Variants in CSGALNACT1 observed in about 807,000 individuals in gnomAD.
CSGALNACT1 encodes the protein chondroitin sulfate N-acetylgalactosaminyltransferase 1, also known as beta4GalNAcT-1.
Under a neutral mutation model 51.0 loss-of-function variants are expected in CSGALNACT1, and 52 were observed. The observed-to-expected ratio is 1.02, with a 90% confidence interval of 0.82 to 1.29. The LOEUF (loss-of-function observed/expected upper bound fraction) is 1.29. Ranked by LOEUF, CSGALNACT1 falls within the 50% of genes most tolerant of loss-of-function variation. The pLI is 0.00. For synonymous variants in CSGALNACT1, 341 were observed against 254.4 expected (o/e 1.34, Z -3.24); for missense variants, 935 against 679.2 (o/e 1.38, Z -4.19).
At chr8:19,502,168 A>G (rs2031602680) in intron 4 of CSGALNACT1, among the ~76,000 whole-genome samples, 1 of 152,218 alleles carries the variant, frequency 6.6e-6, no homozygotes, top group African/African-American at 2.4e-5. Context: ...AGGATCCCAA[A>G]GGGGAGGTGG....
At chr8:19,607,498 C>T (rs1043156025) in intron 1 of CSGALNACT1, among the ~76,000 whole-genome samples, 6 of 152,162 alleles carry the variant, frequency 3.9e-5, no homozygotes, top group African/African-American at 9.7e-5. Flanking sequence ...TTCCAGCAAA[C>T]GGTCTGCAGT....
intron 1 of CSGALNACT1, among the ~76,000 whole-genome samples, chr8:19,754,472 A>G (rs962034373): frequency 2.0e-5 from 3 of 152,220 alleles, no homozygotes; most frequent in African/African-American, 7.2e-5. Flanking sequence ...AAAGACATAC[A>G]AAGAAAACCA....
At chr8:19,682,427 CAGCAAATTTCACACCCAATAA>C (rs71751739) in intron 1 of CSGALNACT1, 19,729 of 335,790 alleles carry the variant, frequency 0.059, 791 homozygotes, top group African/African-American at 0.14. Context: ...CAGAAAGTTG[CAGCAAATTTCACACCCAATAA>C]AGGAAACTTC....
intron 1 of CSGALNACT1, among the ~76,000 whole-genome samples, chr8:19,746,152 C>A (rs935867641): frequency 6.6e-6 from 1 of 152,088 alleles, no homozygotes; most frequent in Non-Finnish European, 1.5e-5. Flanking sequence ...GAAAATTGGA[C>A]CAGTTTCAGA....
intron 1 of CSGALNACT1, among the ~76,000 whole-genome samples, chr8:19,649,193 A>G (rs1307232683): frequency 6.6e-6 from 1 of 152,230 alleles, no homozygotes; most frequent in African/African-American, 2.4e-5. Flanking sequence ...TGGAGGCACA[A>G]GGAGGTTTAG....
chr8:19,569,621 C>G (rs1041416060), intron 3 of CSGALNACT1, among the ~76,000 whole-genome samples: 4 of 152,074 alleles, frequency 2.6e-5, no homozygotes, highest in Non-Finnish European at 4.4e-5. Flanking sequence ...GCAACTGGAG[C>G]TCACATACAT....
chr8:19,554,206 C>T (rs10464993), intron 3 of CSGALNACT1, among the ~76,000 whole-genome samples: 19,107 of 152,180 alleles, frequency 0.13, 1,689 homozygotes, highest in East Asian at 0.36. Flanking sequence ...TACAAGTTAT[C>T]TGCAAGGGAA....
rs140603045 is a variant in CSGALNACT1, at chr8:19,579,008, A to C, written c.-297+12152T>G. Among the ~76,000 whole-genome samples the C allele has an allele frequency of 2.3e-3, 351 of 152,226 alleles. 3 individuals are homozygous for C. Among genetic ancestry groups the C allele is most frequent in the African/African-American group, 8.2e-3 (340 of 41,538 alleles). ...CATCCTTAAGTGCTAGGAATCCAGT[A>C]ATGAGTCACAGCACCCTGACTCATT... On this transcript the variant is annotated intron_variant, in intron 3 of 9. Transcript: ENST00000454498.
chr8:19,459,402 A>AAC (rs2064882210), intron 4 of CSGALNACT1, among the ~76,000 whole-genome samples: 1 of 145,738 alleles, frequency 6.9e-6, no homozygotes, highest in African/African-American at 2.5e-5. Flanking sequence ...AAAAAAAAAA[A>AAC]AAAAAGGAAA....
At chr8:19,456,687 C>A (rs1226945024) in intron 5 of CSGALNACT1, among the ~76,000 whole-genome samples, 1 of 152,094 alleles carries the variant, frequency 6.6e-6, no homozygotes, top group East Asian at 1.9e-4. Context: ...ACACTGCAAA[C>A]AATTATGCGA....
chr8:19,678,330 A>G (rs777306598), intron 1 of CSGALNACT1, among the ~76,000 whole-genome samples: 22 of 152,124 alleles, frequency 1.4e-4, no homozygotes, highest in Non-Finnish European at 2.5e-4. Context: ...CAAACAGGCA[A>G]AGTTTTCGGA....
chr8:19,651,227 A>G (rs1409618820), intron 1 of CSGALNACT1, among the ~76,000 whole-genome samples: 1 of 152,184 alleles, frequency 6.6e-6, no homozygotes, highest in Admixed American at 6.5e-5. Context: ...AATGAGGGTA[A>G]TAATACCTTT....
chr8:19,595,589 G>A (rs181057888), intron 2 of CSGALNACT1, among the ~76,000 whole-genome samples: 48 of 152,002 alleles, frequency 3.2e-4, no homozygotes, highest in African/African-American at 1.1e-3. Flanking sequence ...TTCTCTGGGG[G>A]ACTTGACTAT....
chr8:19,451,158 G>C (rs570448926), intron 5 of CSGALNACT1, among the ~76,000 whole-genome samples: 16 of 152,204 alleles, frequency 1.1e-4, no homozygotes, highest in Admixed American at 9.2e-4. Context: ...TTAGGGTCTG[G>C]GTGCTAGGAG....
At chr8:19,477,454 A>G (rs2070031702) in intron 4 of CSGALNACT1, among the ~76,000 whole-genome samples, 2 of 152,224 alleles carry the variant, frequency 1.3e-5, no homozygotes, top group Admixed American at 6.5e-5. Flanking sequence ...TGGCCATAAA[A>G]TCAAGCAAAT....
intron 1 of CSGALNACT1, among the ~76,000 whole-genome samples, chr8:19,756,425 T>C (rs1447870777): frequency 6.6e-6 from 1 of 152,226 alleles, no homozygotes; most frequent in Non-Finnish European, 1.5e-5. Context: ...ACAGTGCTGT[T>C]AACATCTCTT....
At chr8:19,739,823 A>G (rs2064201537) in intron 1 of CSGALNACT1, among the ~76,000 whole-genome samples, 1 of 152,154 alleles carries the variant, frequency 6.6e-6, no homozygotes. Flanking sequence ...CAAATTGCCT[A>G]CTTCTTGACT....
At chr8:19,479,401 C>T (rs1011846816) in intron 4 of CSGALNACT1, among the ~76,000 whole-genome samples, 7 of 152,206 alleles carry the variant, frequency 4.6e-5, no homozygotes, top group Non-Finnish European at 7.3e-5. Flanking sequence ...GAGCCATTGG[C>T]GGCCAGTAGT....
chr8:19,589,663 A>G (rs963732468), intron 3 of CSGALNACT1, among the ~76,000 whole-genome samples: 1 of 152,170 alleles, frequency 6.6e-6, no homozygotes, highest in Admixed American at 6.5e-5. Flanking sequence ...AAGCTCAAGT[A>G]ACTGAAATTA....
Sources: gnomAD v4.1 joint callset for allele counts (sites outside exome capture counted in the v4.1 genomes callset) on GRCh38, gnomAD v4.1.1 for gene constraint, MANE v1.5 for transcripts, NCBI Gene and HGNC (gene_info 2026-07-23, HGNC 2026-07-21) for gene names.